Variants in OPA1 observed in about 807,000 individuals in gnomAD.
The protein encoded by OPA1 is OPA1 mitochondrial dynamin like GTPase, also known as dynamin-like GTPase OPA1, mitochondrial.
Under a neutral mutation model 152.9 loss-of-function variants are expected in OPA1, and 59 were observed. That is an observed-to-expected ratio of 0.39 (90% CI 0.31 to 0.48). The LOEUF is 0.48. OPA1 is among the 20% of genes least tolerant of loss of function. OPA1 has a pLI of 0.96. For missense variants in OPA1, 1,008 were observed against 1,216.8 expected (o/e 0.83, Z 2.55); for synonymous variants, 400 against 389.9 (o/e 1.03, Z -0.31).
At position 193,658,953 on chromosome 3, in the gene OPA1, A is replaced by G. The variant is rs1216895678; in HGVS notation, c.2398A>G (p.Ile800Val). 1.9e-6 allele frequency: 3 copies of G among 1,613,960 alleles called. No homozygotes were observed. Among genetic ancestry groups the G allele is most frequent in the Admixed American group, 1.7e-5 (1 of 60,022 alleles). Residue 800 changes from isoleucine to valine, a missense_variant, in exon 24 of 31, where the codon ATT becomes GTT. By Grantham distance (29) the Ile-to-Val change is conservative (BLOSUM62 3). Transcript: ENST00000361510. Reference protein sequence around the residue: ...ISDKQQWDAAIYFMEEALQAR... With the variant: ...ISDKQQWDAAVYFMEEALQAR... ...TGATAAACAGCAATGGGATGCAGCTATTTATTTTATGGAAGAGGCTCTGCA... is the reference window on the plus strand; with the variant it reads ...TGATAAACAGCAATGGGATGCAGCTGTTTATTTTATGGAAGAGGCTCTGCA...
At chr3:193,642,137 A>C (rs1294985607) in intron 11 of OPA1, among the ~76,000 whole-genome samples, 3 of 152,186 alleles carry the variant, frequency 2.0e-5, no homozygotes, top group African/African-American at 7.2e-5. Context: ...AAAAACAAAC[A>C]AAACAAAATT....
intron 18 of OPA1, among the ~76,000 whole-genome samples, chr3:193,646,312 G>A (rs1189455024): frequency 6.6e-6 from 1 of 152,232 alleles, no homozygotes; most frequent in African/African-American, 2.4e-5. Flanking sequence ...AGTACGGTAA[G>A]TCAAGATAGT....
chr3:193,594,358 G>C (rs1725164332), intron 1 of OPA1, among the ~76,000 whole-genome samples: 1 of 152,146 alleles, frequency 6.6e-6, no homozygotes, highest in South Asian at 2.1e-4. Context: ...AATTTATCGT[G>C]TTTATAAGGA....
intron 7 of OPA1, among the ~76,000 whole-genome samples, chr3:193,629,696 T>C (rs1389504400): frequency 6.6e-6 from 1 of 152,182 alleles, no homozygotes; most frequent in Non-Finnish European, 1.5e-5. Context: ...TTTGTAATAT[T>C]CTACTAACCT....
chr3:193,610,230 CTGTT>C (rs1727987003), intron 1 of OPA1, among the ~76,000 whole-genome samples: 1 of 152,174 alleles, frequency 6.6e-6, no homozygotes, highest in Non-Finnish European at 1.5e-5. Context: ...GATGTCCTTT[CTGTT>C]TGTTAGTTTT....
chr3:193,694,409 T>C (rs1722064775), intron 30 of OPA1, among the ~76,000 whole-genome samples, 197 bp from the exon 31 acceptor site: 1 of 152,216 alleles, frequency 6.6e-6, no homozygotes, highest in African/African-American at 2.4e-5. Context: ...TTTTAGTATA[T>C]GCTTTTAACT....
intron 1 of OPA1, among the ~76,000 whole-genome samples, chr3:193,602,011 C>G (rs1296129327): frequency 6.6e-6 from 1 of 151,964 alleles, no homozygotes; most frequent in Non-Finnish European, 1.5e-5. Flanking sequence ...GATTATGGTC[C>G]CATGGATTTT....
chr3:193,604,975 C>T (rs1021183281), intron 1 of OPA1, among the ~76,000 whole-genome samples: 1 of 152,088 alleles, frequency 6.6e-6, no homozygotes, highest in Non-Finnish European at 1.5e-5. Flanking sequence ...TCCGGGCACT[C>T]CTTAATAGGA....
intron 29 of OPA1, chr3:193,668,558 C>A: frequency 6.5e-7 from 1 of 1,546,930 alleles, no homozygotes; most frequent in Non-Finnish European, 8.7e-7. Context: ...TCACCTGAAG[C>A]CAGACCATGC....
rs536827528 is a variant in OPA1 at position 193,697,504 on chromosome 3, T to C, written c.*2904T>C. ...ATCAAAGGTCATTTGTGTAGATGAG[T>C]AATTAAAAAATATTTAAATCACATT... On this transcript the variant is annotated 3_prime_UTR_variant, in exon 31 of 31. Coordinates refer to ENST00000361510, the MANE Select transcript of OPA1 (RefSeq NM_130837.3). 1 of 152,240 alleles carries C rather than the reference T, an allele frequency of 6.6e-6. No homozygotes were observed. The highest frequency in any genetic ancestry group is 2.4e-5 in the African/African-American group (1 of 41,524). The allele number at this position is 152,240 out of a possible 1,614,324, so 9.4% of individuals were successfully genotyped here.
chr3:193,659,908 G>A (rs1316314775), intron 25 of OPA1, among the ~76,000 whole-genome samples: 1 of 152,030 alleles, frequency 6.6e-6, no homozygotes, highest in East Asian at 1.9e-4. Flanking sequence ...CCCTTTGGGA[G>A]GCCAAGTCAG....
chr3:193,647,393 A>G (rs971033271), intron 19 of OPA1, among the ~76,000 whole-genome samples: 2 of 152,184 alleles, frequency 1.3e-5, no homozygotes, highest in African/African-American at 2.4e-5. Flanking sequence ...CTAGAAACAC[A>G]TTTGCAGAGT....
At chr3:193,643,137 A>G in intron 13 of OPA1, 88 bp downstream of exon 13, 1 of 1,102,544 alleles carries the variant, frequency 9.1e-7, no homozygotes, top group Non-Finnish European at 1.4e-6. Context: ...ATTGATGTTT[A>G]GATTGCTGCT....
intron 17 of OPA1, 46 bp from the exon 18 acceptor site, chr3:193,645,682 A>T: frequency 6.2e-7 from 1 of 1,607,550 alleles, no homozygotes; most frequent in Non-Finnish European, 8.5e-7. Flanking sequence ...TTCAAATAAT[A>T]AAGAGTAATT....
intron 28 of OPA1, 107 bp downstream of exon 28, chr3:193,666,496 T>C (rs775684036): frequency 5.1e-6 from 5 of 977,402 alleles, no homozygotes; most frequent in Non-Finnish European, 8.0e-6. Context: ...GTAGATTTAT[T>C]AGAAAAACTG....
Position 193,692,100 on chromosome 3 carries a change from C to A in OPA1, c.3021C>A (p.Phe1007Leu). The A allele has an allele frequency of 1.3e-6, 2 of 1,552,158 alleles. No individual in the cohort carries two copies. Among genetic ancestry groups the A allele is most frequent in the Admixed American group, 1.8e-5 (1 of 56,846 alleles). The change falls in exon 30 of 31, where the codon TTC becomes TTA. Residue 1007 changes from phenylalanine to leucine, a missense_variant. Physicochemically the swap from Phe to Leu is conservative, Grantham distance 22 (BLOSUM62 0). Transcript: ENST00000361510. Reference sequence around the variant, plus strand: ...AAATTCAAGAAAAACTTGATGCTTTCATTGAAGCTCTTCATCAGGAGAAAT... The same window carrying A: ...AAATTCAAGAAAAACTTGATGCTTTAATTGAAGCTCTTCATCAGGAGAAAT... Reference protein sequence around the residue: ...VREIQEKLDAFIEALHQEK With the variant: ...VREIQEKLDALIEALHQEK
chr3:193,643,595 A>G lies in OPA1; in HGVS notation c.1445A>G (p.Gln482Arg), dbSNP rs1734103660. The G allele has an allele frequency of 6.2e-7, 1 of 1,613,814 alleles. No homozygotes were observed. The highest frequency in any genetic ancestry group is 8.5e-7 in the Non-Finnish European group (1 of 1,179,824). Residue 482 changes from glutamine to arginine, a missense_variant, in exon 15 of 31, where the codon CAG becomes CGG. By Grantham distance (43) the Gln-to-Arg change is conservative. Coordinates refer to ENST00000361510, the MANE Select transcript of OPA1 (RefSeq NM_130837.3). ...TTCAGTATCAGCAAAGCTTACATGCAGAATCCTAATGCCATCATACTGTGT... is the reference window on the plus strand; with the variant it reads ...TTCAGTATCAGCAAAGCTTACATGCGGAATCCTAATGCCATCATACTGTGT... ...TIFSISKAYM[Q>R]NPNAIILCIQ...
chr3:193,675,327 GAAA>G (rs988338349), intron 29 of OPA1, among the ~76,000 whole-genome samples: 21 of 63,402 alleles, frequency 3.3e-4, no homozygotes, highest in Admixed American at 4.5e-4. Context: ...TTTTTTTTAA[GAAA>G]AAAAAAAAAA....
At chr3:193,600,448 T>C (rs1358440091) in intron 1 of OPA1, among the ~76,000 whole-genome samples, 1 of 152,180 alleles carries the variant, frequency 6.6e-6, no homozygotes, top group Non-Finnish European at 1.5e-5. Context: ...ATTTAAGACT[T>C]GAGAGTATAC....
Sources: allele counts gnomAD v4.1 joint callset (sites outside exome capture counted in the v4.1 genomes callset), GRCh38; gene constraint gnomAD v4.1.1; transcripts MANE v1.5; gene names NCBI Gene and HGNC (gene_info 2026-07-23, HGNC 2026-07-21).